HIRIP3: variants seen among roughly 807,000 people sequenced by gnomAD.
HIRIP3 encodes HIRA-interacting protein 3.
HIRIP3 carries 40 observed loss-of-function variants against 50.3 expected under a neutral mutation model. The observed-to-expected ratio is 0.79, with a 90% confidence interval of 0.62 to 1.03. The LOEUF is 1.03. HIRIP3 is among the 50% of genes least tolerant of loss of function. The probability of loss-of-function intolerance (pLI) is 0.00; values close to 1 mark genes in which losing one functional copy is unlikely to be tolerated. For missense variants in HIRIP3, 765 were observed against 705.4 expected (o/e 1.08, Z -0.96); for synonymous variants, 318 against 261.6 (o/e 1.22, Z -2.08).
Position 29,995,387 on chromosome 16 carries a change from G to A in HIRIP3, c.142C>T (p.Gln48Ter). The A allele has an allele frequency of 3.1e-6, 5 of 1,613,468 alleles. No homozygotes were observed. The highest frequency in any genetic ancestry group is 4.2e-6 in the Non-Finnish European group (5 of 1,179,854). Residue 48 changes from glutamine (Q) to a stop codon, truncating the protein, a stop_gained, in exon 2 of 7, where the codon CAG (glutamine) becomes TAG (stop). Transcript: ENST00000279392. LOFTEE classifies it high-confidence loss of function. ...TCCTCCACCAGCCGCTTCAGTGCCTGCTTCTCCTCGGGCTCCAGGTGGCTG... is the reference window on the plus strand; with the variant it reads ...TCCTCCACCAGCCGCTTCAGTGCCTACTTCTCCTCGGGCTCCAGGTGGCTG... ...GRSHLEPEEK[Q>*]ALKRLVEEEL...
chr16:29,995,698 G>C, upstream of HIRIP3: 1 of 1,480,046 alleles, frequency 6.8e-7, no homozygotes, highest in African/African-American at 1.4e-5. Context: ...GCAGTGCTGC[G>C]GCAACGTGGG....
chr16:29,994,999 T>A (rs1423742050), intron 3 of HIRIP3, 104 bp downstream of exon 3: 2 of 1,483,528 alleles, frequency 1.3e-6, no homozygotes, highest in Non-Finnish European at 1.9e-6. Context: ...CTCACTAGCC[T>A]TGCTCCCTCA....
Position 29,994,598 on chromosome 16 carries a change from C to G in HIRIP3, c.547G>C (p.Gly183Arg). 1 of 1,614,158 alleles carries G rather than the reference C, an allele frequency of 6.2e-7. No individual in the cohort carries two copies. Among genetic ancestry groups the G allele is most frequent in the Non-Finnish European group, 8.5e-7 (1 of 1,180,032 alleles). Residue 183 changes from glycine to arginine, a missense_variant, in exon 4 of 7, where the codon GGC becomes CGC. Transcript: ENST00000279392. Reference sequence around the variant, plus strand: ...TGCTTCCTACTGACTGAGGCCTTGCCTGGTGCCTGCTTCTTTACCACAGGT... The same window carrying G: ...TGCTTCCTACTGACTGAGGCCTTGCGTGGTGCCTGCTTCTTTACCACAGGT... ...KKPVVKKQAPGKASVSRKQAR... is the reference protein window; with the variant it reads ...KKPVVKKQAPRKASVSRKQAR...
In HIRIP3 at chr16:29,993,813, C is replaced by T. The variant is rs761044015; in HGVS notation, c.1240-5G>A. On this transcript the variant is annotated splice_region_variant and splice_polypyrimidine_tract_variant and intron_variant, in intron 4 of 6. Transcript: ENST00000279392. ...TCCACGGCGACCTGAGCCAGCCTAG[C>T]AAGGAAAGAGCAGCTGAAGGCCAAG... 7 of 1,613,652 alleles carry T rather than the reference C, an allele frequency of 4.3e-6. No individual in the cohort carries two copies. The highest frequency in any genetic ancestry group is 1.1e-5 in the South Asian group (1 of 91,072).
chr16:29,996,046 C>G (rs1383826968), upstream of HIRIP3: 1 of 592,430 alleles, frequency 1.7e-6, no homozygotes, highest in Non-Finnish European at 3.0e-6. Flanking sequence ...GAGTCAGGAA[C>G]GGCGCTTTCC....
At chr16:29,994,956 C>T in intron 3 of HIRIP3, 113 bp from the exon 4 acceptor site, 1 of 1,488,252 alleles carries the variant, frequency 6.7e-7, no homozygotes, top group Non-Finnish European at 9.1e-7. Flanking sequence ...CAGCAGGAAA[C>T]AGCTATCTGT....
intron 3 of HIRIP3, 81 bp downstream of exon 3, chr16:29,995,022 G>T: frequency 6.6e-7 from 1 of 1,505,400 alleles, no homozygotes; most frequent in Non-Finnish European, 9.2e-7. Flanking sequence ...TAACGCCTGG[G>T]GACATAAGAG....
chr16:29,995,536 G>A lies in HIRIP3; in HGVS notation c.65+5C>T, dbSNP rs747255129. 6.2e-7 allele frequency: 1 copy of A among 1,613,378 alleles called. No homozygotes were observed. The highest frequency in any genetic ancestry group is 8.5e-7 in the Non-Finnish European group (1 of 1,180,024). The stretch of plus-strand genomic sequence containing the variant: ...TTCCAACCCCATCTCCAACCCCCTG[G>A]GCACCTGAGGTCCGGGCGGCCTCGG... On this transcript the variant is annotated splice_donor_5th_base_variant and intron_variant, in intron 1 of 6. Transcript: ENST00000279392.
rs770403831 is a variant in HIRIP3 at position 29,995,186 on chromosome 16, A to G, written c.218T>C (p.Leu73Pro). The G allele has an allele frequency of 1.8e-5, 29 of 1,614,112 alleles. No individual in the cohort carries two copies. The highest frequency in any genetic ancestry group is 2.5e-5 in the Non-Finnish European group (29 of 1,180,056). Residue 73 changes from leucine to proline, a missense_variant, in exon 3 of 7, where the codon CTG (leucine) becomes CCG (proline). Transcript: ENST00000279392. ...CCTCTTGCCCTTCTTGGTAAGGTCC[A>G]GTTTGTCTTCCCTGGAAGCGGCTTC... ...VDEAASREDK[L>P]DLTKKGKRPP... is the part of the protein sequence containing the mutation.
chr16:29,994,336 G>C lies in HIRIP3; in HGVS notation c.809C>G (p.Ala270Gly), dbSNP rs1385018707. ...CTGCTTACAGCTCCTCTCCTCCCTAGCTGACTTTCTCCGGCCATTGCTCCT... is the reference window on the plus strand; with the variant it reads ...CTGCTTACAGCTCCTCTCCTCCCTACCTGACTTTCTCCGGCCATTGCTCCT... ...RTRSNGRRKS[A>G]REERSCKQKS... Residue 270 changes from alanine (A) to glycine (G), a missense_variant, in exon 4 of 7, where the codon GCT becomes GGT. Ala to Gly is a moderately conservative substitution (Grantham distance 60). Transcript: ENST00000279392. 3.1e-6 allele frequency: 5 copies of C among 1,613,934 alleles called. No individual in the cohort carries two copies. The African/African-American group carries it at 4.0e-5, about 13-fold the overall frequency.
At chr16:29,995,771 T>A, upstream of HIRIP3, 1 of 763,898 alleles carries the variant, frequency 1.3e-6, no homozygotes, top group Non-Finnish European at 2.1e-6. Context: ...AGACGAGACT[T>A]GTTTTCTCTG....
Position 29,995,226 on chromosome 16 carries a change from G to T in HIRIP3, c.187-9C>A. ...GAAGCGGCTTCATCCACCTGTGTGTGCGCCAAGAGGGCAAACTATGCACCA... is the reference window on the plus strand; with the variant it reads ...GAAGCGGCTTCATCCACCTGTGTGTTCGCCAAGAGGGCAAACTATGCACCA... On this transcript the variant is annotated splice_polypyrimidine_tract_variant and intron_variant, in intron 2 of 6. Transcript: ENST00000279392. The T allele has an allele frequency of 6.2e-7, 1 of 1,614,152 alleles. No homozygotes were observed. Among genetic ancestry groups the T allele is most frequent in the Non-Finnish European group, 8.5e-7 (1 of 1,179,998 alleles).
chr16:29,994,244 T>C lies in HIRIP3; in HGVS notation c.901A>G (p.Ser301Gly), dbSNP rs1377745531. 1 of 1,614,204 alleles carries C rather than the reference T, an allele frequency of 6.2e-7. No homozygotes were observed. Among genetic ancestry groups the C allele is most frequent in the Admixed American group, 1.7e-5 (1 of 60,030 alleles). ...SEEEQKEAAS[S>G]GDDSGRDREP... The stretch of plus-strand genomic sequence containing the variant: ...CTATCTCTCCCACTGTCATCCCCAC[T>C]GCTGGCTGCCTCTTTCTGCTCTTCC... The change falls in exon 4 of 7, where the codon AGT becomes GGT. Residue 301 changes from serine to glycine, a missense_variant. Transcript: ENST00000279392.
At position 29,993,792 on chromosome 16, in the gene HIRIP3, C is replaced by T. The variant is rs772894641; in HGVS notation, c.1256G>A (p.Arg419His). Residue 419 changes from arginine to histidine, a missense_variant, in exon 5 of 7, where the codon CGT (arginine) becomes CAT (histidine). Coordinates refer to ENST00000279392, the MANE Select transcript of HIRIP3 (RefSeq NM_003609.5). ...AKGGKAGSGR[R>H]GEDHPAVMRL... ...CATCACAGCCGGGTGGTCCTCTCCA[C>T]GGCGACCTGAGCCAGCCTAGCAAGG... 8.1e-6 allele frequency: 13 copies of T among 1,612,178 alleles called. No individual in the cohort carries two copies. The highest frequency in any genetic ancestry group is 1.7e-4 in the Middle Eastern group (1 of 6,060).
At position 29,993,456 on chromosome 16, in the gene HIRIP3, T is replaced by TA. The variant is rs2070011827; in HGVS notation, c.1507+2dup. The TA allele has an allele frequency of 1.9e-6, 3 of 1,611,430 alleles. No homozygotes were observed. Among genetic ancestry groups the TA allele is most frequent in the East Asian group, 4.5e-5 (2 of 44,848 alleles). On this transcript the variant is annotated splice_region_variant and intron_variant, in intron 6 of 6. Coordinates refer to ENST00000279392, the MANE Select transcript of HIRIP3 (RefSeq NM_003609.5). Reference sequence around the variant, plus strand: ...TCCTGGGCAGTGAGAGGAAACCCCTTACCCGAGCCACTGATGATGTTCGCA... The same window carrying TA: ...TCCTGGGCAGTGAGAGGAAACCCCTTAACCCGAGCCACTGATGATGTTCGCA...
Position 29,994,439 on chromosome 16 carries a change from T to C in HIRIP3, c.706A>G (p.Lys236Glu), listed in dbSNP as rs967763356. 8.7e-6 allele frequency: 14 copies of C among 1,613,890 alleles called. No individual in the cohort carries two copies. The highest frequency in any genetic ancestry group is 1.3e-5 in the African/African-American group (1 of 74,882). The change falls in exon 4 of 7, where the codon AAA (lysine) becomes GAA (glutamate). Residue 236 changes from lysine (K) to glutamate (E), a missense_variant. Transcript: ENST00000279392. ...TCCACTTCCTCCTCTCTCTGCTCTT[T>C]CTTCTGGGCTAGGATCTCCTCTTCA... ...ESEEEILAQK[K>E]EQREEEVEEE...
In HIRIP3 at chr16:29,993,704, G is replaced by C; in HGVS notation, c.1344C>G (p.Ser448=). 29 of 1,610,010 alleles carry C rather than the reference G, an allele frequency of 1.8e-5. No homozygotes were observed. Among genetic ancestry groups the C allele is most frequent in the Non-Finnish European group, 2.0e-5 (24 of 1,180,000 alleles). The part of the protein sequence containing the change: ...AHRNYKKLLG[S]CCSHKERLSI... ...TCAGGCGCTCCTTGTGTGAGCAACA[G>C]GAGCCCAACAGCTTCTTGTAGTTTC... Residue 448 remains serine, a synonymous_variant, in exon 5 of 7, where the codon TCC becomes TCG. Transcript: ENST00000279392.
chr16:29,995,470 G>C lies in HIRIP3; in HGVS notation c.66-7C>G. ...GATGGAATGCGTAAGCGTGCTGCAG[G>C]GACATGGTGTCAGGACGGAGTCCCG... On this transcript the variant is annotated splice_region_variant and splice_polypyrimidine_tract_variant and intron_variant, in intron 1 of 6. Coordinates refer to ENST00000279392, the MANE Select transcript of HIRIP3 (RefSeq NM_003609.5). 1 of 1,613,614 alleles carries C rather than the reference G, an allele frequency of 6.2e-7. No homozygotes were observed. The highest frequency in any genetic ancestry group is 1.1e-5 in the South Asian group (1 of 91,050).
Position 29,993,646 on chromosome 16 carries a change from T to C in HIRIP3, c.1402A>G (p.Met468Val), listed in dbSNP as rs753526967. Reference protein sequence around the residue: ...ILRAELEALGMKGTPSLGKCR... With the variant: ...ILRAELEALGVKGTPSLGKCR... ...AGGGCACGCCGGGCCTCACCCTTCATGCCTAGCGCTTCCAGTTCTGCCCGG... is the reference window on the plus strand; with the variant it reads ...AGGGCACGCCGGGCCTCACCCTTCACGCCTAGCGCTTCCAGTTCTGCCCGG... Residue 468 changes from methionine to valine, a missense_variant, in exon 5 of 7, where the codon ATG (methionine) becomes GTG (valine). Transcript: ENST00000279392. The C allele has an allele frequency of 3.7e-6, 6 of 1,612,502 alleles. No individual in the cohort carries two copies. The highest frequency in any genetic ancestry group is 5.1e-6 in the Non-Finnish European group (6 of 1,179,968).
Sources: gnomAD v4.1 joint callset for allele counts on GRCh38, gnomAD v4.1.1 for gene constraint, MANE v1.5 for transcripts, NCBI Gene and HGNC (gene_info 2026-07-23, HGNC 2026-07-21) for gene names.